CEP128: variants seen among roughly 807,000 people sequenced by gnomAD.
CEP128 encodes the protein centrosomal protein 128.
In CEP128, 132 loss-of-function variants were observed where a neutral mutation model predicts 156.7. The ratio of observed to expected loss-of-function variants is 0.84; its 90% CI spans 0.73 to 0.97. The LOEUF (loss-of-function observed/expected upper bound fraction) is 0.97, where lower values mean the gene tolerates loss of function less well. Ranked by LOEUF, CEP128 falls within the 50% of genes least tolerant of loss-of-function variation. The pLI, the probability that CEP128 is intolerant of heterozygous loss-of-function variation, is 0.00. For missense variants in CEP128, 1,252 were observed against 1,281.9 expected (o/e 0.98, Z 0.36); for synonymous variants, 469 against 448.9 (o/e 1.04, Z -0.57).
At chr14:80,959,115 G>A (rs939520833) in intron 1 of CEP128, among the ~76,000 whole-genome samples, 25 of 152,062 alleles carry the variant, frequency 1.6e-4, no homozygotes, top group East Asian at 1.5e-3. Context: ...AGAGAGTTAC[G>A]GACTGTGGCC....
chr14:80,910,704 T>C (rs1884157508), intron 4 of CEP128, among the ~76,000 whole-genome samples: 1 of 145,874 alleles, frequency 6.9e-6, no homozygotes, highest in Non-Finnish European at 1.5e-5. Context: ...CTAACACAGG[T>C]AGTTTATCCA....
At chr14:80,957,298 G>A (rs368321641) in intron 2 of CEP128, among the ~76,000 whole-genome samples, 18 of 152,064 alleles carry the variant, frequency 1.2e-4, no homozygotes, top group East Asian at 1.2e-3. Flanking sequence ...TCCCAACAGC[G>A]TTCTCTGCAT....
At chr14:80,721,576 A>G (rs1897818218) in intron 19 of CEP128, among the ~76,000 whole-genome samples, 1 of 152,210 alleles carries the variant, frequency 6.6e-6, no homozygotes, top group African/African-American at 2.4e-5. Context: ...GTTTAAAATT[A>G]ATTTCACTTT....
intron 19 of CEP128, among the ~76,000 whole-genome samples, chr14:80,584,764 T>A (rs1891744927): frequency 6.6e-6 from 1 of 152,218 alleles, no homozygotes. Flanking sequence ...TCTTTCATTA[T>A]AATGAACAAT....
intron 19 of CEP128, among the ~76,000 whole-genome samples, chr14:80,648,395 A>G (rs548303960): frequency 6.6e-6 from 1 of 152,228 alleles, no homozygotes; most frequent in South Asian, 2.1e-4. Flanking sequence ...TACAATTACA[A>G]ATCATAGCCT....
rs1244105858 is a variant in CEP128, at chr14:80,792,010, A to C, written c.1560+750T>G. Among the ~76,000 whole-genome samples the C allele has an allele frequency of 1.3e-5, 2 of 152,240 alleles. 1 individual carries two copies. The highest frequency in any genetic ancestry group is 4.8e-5 in the African/African-American group (2 of 41,446). ...AATGATAAACCAAGAATAAACATGG[A>C]TAAAAAAATCAATCACGACTTTCCT... On this transcript the variant is annotated intron_variant, in intron 14 of 24. Coordinates refer to ENST00000555265, the MANE Select transcript of CEP128 (RefSeq NM_152446.5).
In CEP128 at chr14:80,604,937, T is replaced by C. The variant is rs376526511; in HGVS notation, c.2807-24514A>G. ...ACAATTAGGACAAAAAAGACAAAAC[T>C]CATGGCTACACAAACCAGTCAGTAA... is the stretch of plus-strand genomic sequence containing the variant. On this transcript the variant is annotated intron_variant, in intron 19 of 24. Transcript: ENST00000555265. Among the ~76,000 whole-genome samples, 186 of 152,156 alleles carry C rather than the reference T, an allele frequency of 1.2e-3. 4 individuals carry two copies. In the Middle Eastern group the frequency reaches 0.027, roughly 22 times the overall value.
At position 80,862,646 on chromosome 14, in the gene CEP128, A is replaced by G. The variant is rs563617563; in HGVS notation, c.762+111T>C. 69 of 739,078 alleles carry G rather than the reference A, an allele frequency of 9.3e-5. No homozygotes were observed. The African/African-American group carries it at 1.1e-3, about 12-fold the overall frequency. 45.8% of individuals were successfully genotyped at this position (739,078 alleles called of 1,614,324 possible). ...GAACTATAACCAATATGTGATATTA[A>G]TACTTCTCAGATGGGTTGAATTATA... On this transcript the variant is annotated intron_variant, in intron 9 of 24. Transcript: ENST00000555265.
intron 18 of CEP128, among the ~76,000 whole-genome samples, chr14:80,746,651 CAGG>C (rs1899115850): frequency 6.6e-6 from 1 of 152,148 alleles, no homozygotes; most frequent in South Asian, 2.1e-4. Flanking sequence ...AAAGAAAACA[CAGG>C]CATAAATCGT....
intron 19 of CEP128, among the ~76,000 whole-genome samples, chr14:80,741,775 TAAC>T (rs1030271768): frequency 3.3e-5 from 5 of 152,140 alleles, no homozygotes; most frequent in African/African-American, 7.2e-5. Context: ...AAATTAGTAT[TAAC>T]AATTAACTTT....
At chr14:80,696,597 G>T (rs1245372183) in intron 19 of CEP128, among the ~76,000 whole-genome samples, 1 of 152,150 alleles carries the variant, frequency 6.6e-6, no homozygotes, top group African/African-American at 2.4e-5. Flanking sequence ...TGAGAAGAAA[G>T]CAGCCATGGC....
At chr14:80,922,716 G>T (rs1308884807) in intron 2 of CEP128, among the ~76,000 whole-genome samples, 4 of 152,000 alleles carry the variant, frequency 2.6e-5, no homozygotes, top group African/African-American at 9.7e-5. Context: ...TGTCTTTAAA[G>T]ATTTAAAAGA....
intron 19 of CEP128, among the ~76,000 whole-genome samples, chr14:80,671,620 C>A (rs1239175526): frequency 2.0e-5 from 3 of 152,014 alleles, no homozygotes; most frequent in Non-Finnish European, 4.4e-5. Flanking sequence ...GGGGAATGAA[C>A]AGAAATAAAC....
intron 17 of CEP128, among the ~76,000 whole-genome samples, chr14:80,761,138 G>A (rs1312857204): frequency 2.6e-5 from 4 of 151,356 alleles, no homozygotes; most frequent in African/African-American, 4.9e-5. Flanking sequence ...AATAGCCTGC[G>A]ATAGTGAAAA....
intron 19 of CEP128, among the ~76,000 whole-genome samples, chr14:80,597,729 A>G (rs1312521841): frequency 3.3e-5 from 5 of 151,902 alleles, no homozygotes; most frequent in Non-Finnish European, 7.4e-5. Flanking sequence ...AGCAACTTAT[A>G]ATAAGAATTA....
intron 2 of CEP128, among the ~76,000 whole-genome samples, chr14:80,956,957 A>C (rs1316276133): frequency 6.6e-6 from 1 of 152,048 alleles, no homozygotes; most frequent in Non-Finnish European, 1.5e-5. Context: ...TCTTGATTAC[A>C]CCTCTACATA....
At chr14:80,679,410 C>A (rs1896221865) in intron 19 of CEP128, among the ~76,000 whole-genome samples, 1 of 152,108 alleles carries the variant, frequency 6.6e-6, no homozygotes, top group Admixed American at 6.5e-5. Context: ...GGAATGCATT[C>A]CTGGGGGAAG....
At chr14:80,865,516 A>T (rs1887725186) in intron 8 of CEP128, among the ~76,000 whole-genome samples, 1 of 152,166 alleles carries the variant, frequency 6.6e-6, no homozygotes, top group Admixed American at 6.5e-5. Context: ...TCTCTTACAC[A>T]ACTTCTGACA....
intron 13 of CEP128, chr14:80,822,428 G>C: frequency 2.2e-6 from 1 of 459,904 alleles, no homozygotes; most frequent in Non-Finnish European, 4.2e-6. Flanking sequence ...CTTCAAAATG[G>C]GAGCAGTGTG....
Sources: gnomAD v4.1 joint callset for allele counts (sites outside exome capture counted in the v4.1 genomes callset) on GRCh38, gnomAD v4.1.1 for gene constraint, MANE v1.5 for transcripts, NCBI Gene and HGNC (gene_info 2026-07-23, HGNC 2026-07-21) for gene names.